The following EPHA6 variants were observed in gnomAD, a reference collection of about 807,000 sequenced individuals.
EPHA6 encodes the protein EPH receptor A6.
In EPHA6, 50 loss-of-function variants were observed where a neutral mutation model predicts 112.0. That is an observed-to-expected ratio of 0.45 (90% confidence interval 0.36 to 0.56). The LOEUF is 0.56. Ranked by LOEUF, EPHA6 falls within the 20% of genes least tolerant of loss-of-function variation. The probability of loss-of-function intolerance (pLI) is 0.00; values close to 1 mark genes in which losing one functional copy is unlikely to be tolerated. For synonymous variants in EPHA6, 529 were observed against 490.7 expected, an observed-to-expected ratio of 1.08 and a Z score of -1.03; for missense variants, 1,280 against 1,417.4, an observed-to-expected ratio of 0.90 and a Z score of 1.56.
chr3:97,073,461 G>A (rs1455446338), intron 3 of EPHA6, among the ~76,000 whole-genome samples: 1 of 152,010 alleles, frequency 6.6e-6, no homozygotes, highest in Non-Finnish European at 1.5e-5. Context: ...GTCACATCAT[G>A]GATTTTGCTT....
At chr3:97,585,150 G>A (rs967164765) in intron 11 of EPHA6, among the ~76,000 whole-genome samples, 3 of 152,140 alleles carry the variant, frequency 2.0e-5, no homozygotes, top group African/African-American at 4.8e-5. Flanking sequence ...TCAGTGTAGC[G>A]AATGGAATAA....
chr3:97,665,102 T>A (rs905446935), intron 14 of EPHA6, among the ~76,000 whole-genome samples: 1 of 152,208 alleles, frequency 6.6e-6, no homozygotes, highest in Non-Finnish European at 1.5e-5. Context: ...AACAGCATGG[T>A]ACTGGTACCA....
At chr3:96,908,292 T>C (rs2039041282) in intron 2 of EPHA6, among the ~76,000 whole-genome samples, 1 of 151,998 alleles carries the variant, frequency 6.6e-6, no homozygotes, top group African/African-American at 2.4e-5. Flanking sequence ...TTAGACTTAC[T>C]TATTTATTTA....
intron 14 of EPHA6, among the ~76,000 whole-genome samples, chr3:97,681,339 C>A (rs2031846050): frequency 6.6e-6 from 1 of 152,036 alleles, no homozygotes; most frequent in South Asian, 2.1e-4. Context: ...TTTCAATTTG[C>A]AACTTTTAGC....
intron 4 of EPHA6, among the ~76,000 whole-genome samples, chr3:97,242,629 T>A (rs2108578733): frequency 6.6e-6 from 1 of 151,876 alleles, no homozygotes; most frequent in East Asian, 1.9e-4. Flanking sequence ...TCTAGTAGAG[T>A]ATCTGCCACA....
chr3:97,227,927 A>G (rs1476109880), intron 4 of EPHA6, among the ~76,000 whole-genome samples: 1 of 152,152 alleles, frequency 6.6e-6, no homozygotes. Context: ...TTATGTCTAA[A>G]CCACAGAAAG....
chr3:97,441,994 A>G (rs1351985496), intron 6 of EPHA6, among the ~76,000 whole-genome samples: 1 of 152,190 alleles, frequency 6.6e-6, no homozygotes, highest in African/African-American at 2.4e-5. Flanking sequence ...CAAAGAAAGA[A>G]CATATACTTT....
At chr3:97,002,097 G>T (rs1316141930) in intron 3 of EPHA6, among the ~76,000 whole-genome samples, 2 of 151,430 alleles carry the variant, frequency 1.3e-5, no homozygotes, top group East Asian at 3.9e-4. Flanking sequence ...TTCAGGATTG[G>T]TTATTTTTTA....
At position 97,568,376 on chromosome 3, in the gene EPHA6, C is replaced by T. The variant is rs554248468; in HGVS notation, c.2387-24236C>T. On this transcript the variant is annotated intron_variant, in intron 11 of 17. Transcript: ENST00000389672. ...ATAAAATGCAGAACAGATAACATGA[C>T]ACCCTGGCTTATAAAACTTCAAGGT... is the stretch of plus-strand genomic sequence containing the variant. Among the ~76,000 whole-genome samples the T allele has an allele frequency of 2.6e-5, 4 of 152,262 alleles. No homozygotes were observed. The South Asian group carries it at 6.2e-4, about 24-fold the overall frequency.
chr3:97,111,618 G>A (rs1366046615), intron 3 of EPHA6, among the ~76,000 whole-genome samples: 4 of 151,994 alleles, frequency 2.6e-5, no homozygotes, highest in South Asian at 2.1e-4. Context: ...CACACTGAAA[G>A]CCCTTATTTA....
chr3:97,572,648 T>C (rs1055462965), intron 11 of EPHA6: 1 of 152,170 alleles, frequency 6.6e-6, no homozygotes, highest in Non-Finnish European at 1.5e-5. Context: ...CAGAAAAGTA[T>C]ACAAGTATAA....
chr3:96,943,863 T>C (rs560631069), intron 2 of EPHA6, among the ~76,000 whole-genome samples: 1 of 152,028 alleles, frequency 6.6e-6, no homozygotes, highest in Non-Finnish European at 1.5e-5. Context: ...AAAATGAAAT[T>C]TAAGGAGATA....
At chr3:97,644,431 C>CT (rs1355263748) in intron 14 of EPHA6, among the ~76,000 whole-genome samples, 112 of 150,682 alleles carry the variant, frequency 7.4e-4, no homozygotes, top group African/African-American at 2.7e-3. Flanking sequence ...CAAGAAATAA[C>CT]TAAGATCAGA....
At chr3:96,959,182 G>A (rs914259908) in intron 2 of EPHA6, among the ~76,000 whole-genome samples, 4 of 152,036 alleles carry the variant, frequency 2.6e-5, no homozygotes, top group Non-Finnish European at 5.9e-5. Flanking sequence ...TTATTGTCTG[G>A]TGTTTGTTTG....
At chr3:97,463,642 G>C (rs1560035862) in intron 7 of EPHA6, among the ~76,000 whole-genome samples, 1 of 151,986 alleles carries the variant, frequency 6.6e-6, no homozygotes, top group Non-Finnish European at 1.5e-5. Flanking sequence ...AAATACAAAA[G>C]TTTTTTGTTT....
At chr3:97,517,831 C>T (rs1466351792) in intron 10 of EPHA6, among the ~76,000 whole-genome samples, 5 of 152,030 alleles carry the variant, frequency 3.3e-5, no homozygotes, top group African/African-American at 1.2e-4. Flanking sequence ...AATTCCACAT[C>T]GGAGATCATG....
intron 2 of EPHA6, among the ~76,000 whole-genome samples, chr3:96,946,865 T>C (rs1004011412): frequency 4.6e-5 from 7 of 152,146 alleles, no homozygotes; most frequent in Non-Finnish European, 7.3e-5. Flanking sequence ...ATGATCACCA[T>C]TCCAATTGGT....
At chr3:96,981,387 C>T (rs543055692) in intron 2 of EPHA6, among the ~76,000 whole-genome samples, 1 of 152,174 alleles carries the variant, frequency 6.6e-6, no homozygotes, top group Admixed American at 6.5e-5. Flanking sequence ...GCCTTACATC[C>T]CAGGGATGAA....
At chr3:97,088,358 T>C (rs564300090) in intron 3 of EPHA6, among the ~76,000 whole-genome samples, 4 of 152,196 alleles carry the variant, frequency 2.6e-5, no homozygotes, top group South Asian at 4.1e-4. Context: ...ATTAATCTTA[T>C]CAACTTTTTG....
Sources: gnomAD v4.1 joint callset for allele counts (sites outside exome capture counted in the v4.1 genomes callset) on GRCh38, gnomAD v4.1.1 for gene constraint, MANE v1.5 for transcripts, NCBI Gene and HGNC (gene_info 2026-07-23, HGNC 2026-07-21) for gene names.